The following GLB1 variants were observed in gnomAD, a reference collection of about 807,000 sequenced individuals.
GLB1 encodes beta-galactosidase.
A neutral mutation model predicts 74.0 loss-of-function variants in GLB1; 56 were observed. That is an observed-to-expected ratio of 0.76 (90% CI 0.61 to 0.94). The LOEUF is 0.94. GLB1 is among the 40% of genes least tolerant of loss of function. The pLI, the probability that GLB1 is intolerant of heterozygous loss-of-function variation, is 0.00. For missense variants in GLB1, 787 were observed against 845.5 expected, an observed-to-expected ratio of 0.93 and a Z score of 0.86; for synonymous variants, 323 against 323.6, an observed-to-expected ratio of 1.00 and a Z score of 0.02.
intron 1 of GLB1, among the ~76,000 whole-genome samples, chr3:33,087,612 CACACACACACACACACACTCA>C (rs1700571761): frequency 6.6e-6 from 1 of 150,468 alleles, no homozygotes; most frequent in Non-Finnish European, 1.5e-5. Context: ...CACACACACA[CACACACACACACACACACTCA>C]AAGAAAAACC....
rs1426524316 is a variant in GLB1, at chr3:33,087,577, GCGCACACACACACACACA to G, written c.75+9416_75+9433del. On this transcript the variant is annotated intron_variant, in intron 1 of 15. Coordinates refer to ENST00000307363, the MANE Select transcript of GLB1 (RefSeq NM_000404.4). ...AGAGCAAGACCATGTCTCAGCATGC[GCGCACACACACACACACA>G]CACACACACACACACACACACACAC... Among the ~76,000 whole-genome samples, 5 of 39,796 alleles carry G rather than the reference GCGCACACACACACACACA, an allele frequency of 1.3e-4. 1 individual carries two copies. Among genetic ancestry groups the G allele is most frequent in the African/African-American group, 4.5e-4 (5 of 11,122 alleles). 26.1% of individuals were successfully genotyped at this position (39,796 alleles called of 152,430 possible). A position where few individuals can be genotyped will look rare whatever the true frequency, so the allele number is the denominator to read the frequency against.
the GLB1 span, among the ~76,000 whole-genome samples, chr3:32,969,008 A>C: frequency 6.6e-6 from 1 of 152,228 alleles, no homozygotes; most frequent in African/African-American, 2.4e-5. Flanking sequence ...CTCCTCATCA[A>C]GTCAGTCCCA....
At chr3:32,989,865 C>T in the GLB1 span, among the ~76,000 whole-genome samples, 1 of 152,150 alleles carries the variant, frequency 6.6e-6, no homozygotes, top group South Asian at 2.1e-4. Flanking sequence ...CTGCATGCCA[C>T]CCGCCCTATT....
chr3:32,998,974 C>G (rs1575394458), intron 15 of GLB1, among the ~76,000 whole-genome samples: 1 of 152,312 alleles, frequency 6.6e-6, no homozygotes, highest in African/African-American at 2.4e-5. Context: ...TGACCTTGGG[C>G]AGGTCTCAAC....
intron 1 of GLB1, chr3:33,077,439 A>G: frequency 1.1e-6 from 1 of 873,910 alleles, no homozygotes; most frequent in Non-Finnish European, 1.8e-6. Context: ...TTGGAAATGG[A>G]GGATGAAGAT....
chr3:33,053,049 G>A (rs996396417), intron 7 of GLB1, among the ~76,000 whole-genome samples: 1 of 152,216 alleles, frequency 6.6e-6, no homozygotes, highest in Admixed American at 6.5e-5. Context: ...CCAAAGACGG[G>A]AAGAACGGAG....
chr3:32,999,462 G>C (rs1696457423), intron 15 of GLB1, among the ~76,000 whole-genome samples: 2 of 152,180 alleles, frequency 1.3e-5, no homozygotes, highest in South Asian at 4.1e-4. Context: ...CCAAATCGCA[G>C]GTGAACAAAG....
intron 9 of GLB1, among the ~76,000 whole-genome samples, chr3:33,048,848 A>C (rs1698852793): frequency 6.6e-6 from 1 of 152,112 alleles, no homozygotes; most frequent in Non-Finnish European, 1.5e-5. Flanking sequence ...AAACGTGTGG[A>C]CTTTTTTTTG....
In GLB1 at chr3:33,093,992, C is replaced by G. The variant is rs773930022; in HGVS notation, c.75+3019G>C. The G allele has an allele frequency of 1.2e-6, 2 of 1,614,180 alleles. No homozygotes were observed. Among genetic ancestry groups the G allele is most frequent in the Non-Finnish European group, 1.7e-6 (2 of 1,180,030 alleles). Reference sequence around the variant, plus strand: ...CAGCTGGGGAGTGGCAGAGGTTGCTCACTGTGCTGCGCCAAATGTAGAGGG... The same window carrying G: ...CAGCTGGGGAGTGGCAGAGGTTGCTGACTGTGCTGCGCCAAATGTAGAGGG... On this transcript the variant is annotated intron_variant, in intron 1 of 15. Coordinates refer to ENST00000307363, the MANE Select transcript of GLB1 (RefSeq NM_000404.4). The surrounding 1 kb of genome is among the most constrained non-coding windows in gnomAD (Gnocchi z 6.0).
chr3:32,988,348 T>C, the GLB1 span, among the ~76,000 whole-genome samples: 3 of 152,266 alleles, frequency 2.0e-5, no homozygotes, highest in Admixed American at 2.0e-4. Flanking sequence ...GAGGAAGAGT[T>C]GGGACCAACG....
the GLB1 span, among the ~76,000 whole-genome samples, chr3:32,963,122 T>A: frequency 6.6e-6 from 1 of 152,094 alleles, no homozygotes; most frequent in Non-Finnish European, 1.5e-5. Context: ...TAGTTTAGTA[T>A]GAGATCAAAA....
At chr3:32,986,594 C>CTTTT in the GLB1 span, among the ~76,000 whole-genome samples, 2,275 of 142,372 alleles carry the variant, frequency 0.016, 72 homozygotes, top group African/African-American at 0.055. Context: ...GACTGTTTCT[C>CTTTT]TTTTTTTTTT....
At chr3:33,052,613 T>C (rs71325124) in intron 7 of GLB1, 15,325 of 153,648 alleles carry the variant, frequency 0.1, 868 homozygotes, top group Non-Finnish European at 0.12. Flanking sequence ...TCTGGCAACA[T>C]AGTGAGACTC....
chr3:33,059,352 G>A (rs1375469781), intron 5 of GLB1, among the ~76,000 whole-genome samples: 1 of 150,208 alleles, frequency 6.7e-6, no homozygotes, highest in African/African-American at 2.5e-5. Context: ...AGAGGAGAAG[G>A]CAATTAGAAA....
intron 2 of GLB1, among the ~76,000 whole-genome samples, chr3:33,071,947 C>T (rs1699903474): frequency 6.6e-6 from 1 of 152,178 alleles, no homozygotes; most frequent in South Asian, 2.1e-4. Context: ...CACTTCAGTC[C>T]ACCACCATTA....
intron 7 of GLB1, among the ~76,000 whole-genome samples, chr3:33,052,411 A>G (rs765136470): frequency 7.9e-5 from 12 of 152,166 alleles, no homozygotes; most frequent in Non-Finnish European, 1.6e-4. Flanking sequence ...AGGTGGGCGG[A>G]TCACAAGGTC....
At chr3:33,090,412 T>A (rs544079892) in intron 1 of GLB1, 394 of 985,218 alleles carry the variant, frequency 4.0e-4, no homozygotes, top group Non-Finnish European at 4.5e-4. Flanking sequence ...AAGAAAAGCA[T>A]GGATGGGTAT....
chr3:33,000,247 A>G (rs1050739303), intron 15 of GLB1, among the ~76,000 whole-genome samples: 3 of 152,138 alleles, frequency 2.0e-5, no homozygotes, highest in Non-Finnish European at 4.4e-5. Flanking sequence ...GGCCATGCAC[A>G]TGTTTCTTAC....
intron 1 of GLB1, among the ~76,000 whole-genome samples, chr3:33,088,514 A>G (rs994111373): frequency 7.2e-5 from 11 of 152,144 alleles, no homozygotes; most frequent in African/African-American, 2.7e-4. Context: ...ACAATCCTAA[A>G]TGGAATTTCA....
Sources: allele counts gnomAD v4.1 joint callset (sites outside exome capture counted in the v4.1 genomes callset), GRCh38; gene constraint gnomAD v4.1.1; non-coding constraint Gnocchi (gnomAD v3.1); transcripts MANE v1.5; gene names NCBI Gene and HGNC (gene_info 2026-07-23, HGNC 2026-07-21).